Variants in CEP85L observed in about 807,000 individuals in gnomAD.
CEP85L encodes the protein centrosomal protein 85L, also known as centrosomal protein of 85 kDa-like.
In CEP85L, 60 loss-of-function variants were observed where a neutral mutation model predicts 100.3. The ratio of observed to expected loss-of-function variants is 0.60; its 90% CI spans 0.49 to 0.74. The LOEUF is 0.74. CEP85L is among the 30% of genes least tolerant of loss of function. CEP85L has a pLI of 0.00. For missense variants in CEP85L, 973 were observed against 936.2 expected (o/e 1.04, Z -0.51); for synonymous variants, 319 against 322.7 (o/e 0.99, Z 0.12).
At chr6:118,545,356 G>A (rs568017251) in intron 3 of CEP85L, among the ~76,000 whole-genome samples, 3 of 152,312 alleles carry the variant, frequency 2.0e-5, no homozygotes, top group Admixed American at 6.5e-5. Flanking sequence ...TTGGGAGGCC[G>A]AGGTGGGCAG....
chr6:118,530,807 A>C (rs561985885), intron 3 of CEP85L, among the ~76,000 whole-genome samples: 3 of 152,224 alleles, frequency 2.0e-5, no homozygotes, highest in African/African-American at 7.2e-5. Context: ...AGGGAAGTAA[A>C]AGAGCTCTAC....
At chr6:118,634,015 C>T (rs1774335882) in intron 1 of CEP85L, among the ~76,000 whole-genome samples, 2 of 152,184 alleles carry the variant, frequency 1.3e-5, no homozygotes, top group South Asian at 4.1e-4. Flanking sequence ...GTATAGCAGC[C>T]TTAAAAAGAT....
intron 1 of CEP85L, among the ~76,000 whole-genome samples, chr6:118,686,100 C>T (rs1230262517): frequency 1.3e-5 from 2 of 151,934 alleles, no homozygotes. Flanking sequence ...CCAAGGGAAA[C>T]GTGGGTTGGA....
upstream of CEP85L, among the ~76,000 whole-genome samples, chr6:118,655,063 A>G (rs946996577): frequency 2.6e-5 from 4 of 152,228 alleles, no homozygotes; most frequent in African/African-American, 9.6e-5. Flanking sequence ...TAACAAATAT[A>G]TACCAAATTT....
At chr6:118,694,768 C>T (rs1777153169) in intron 1 of CEP85L, among the ~76,000 whole-genome samples, 1 of 152,140 alleles carries the variant, frequency 6.6e-6, no homozygotes, top group African/African-American at 2.4e-5. Context: ...AAAGTGGGGG[C>T]AGATACTACA....
At chr6:118,600,370 T>TGTGTGTGTGTGTGTGTGTGTGTG (rs58066356) in intron 2 of CEP85L, among the ~76,000 whole-genome samples, 3 of 86,368 alleles carry the variant, frequency 3.5e-5, no homozygotes, top group Non-Finnish European at 7.7e-5. Context: ...TGTGTGTGTG[T>TGTGTGTGTGTGTGTGTGTGTGTG]AACGCCATGG....
intron 2 of CEP85L, among the ~76,000 whole-genome samples, chr6:118,577,395 A>G (rs903494692): frequency 1.3e-5 from 2 of 152,220 alleles, no homozygotes; most frequent in Non-Finnish European, 2.9e-5. Context: ...TCGTGAAAAA[A>G]GAAGTACCCC....
chr6:118,556,265 C>T (rs1778870207), intron 3 of CEP85L, among the ~76,000 whole-genome samples: 1 of 152,096 alleles, frequency 6.6e-6, no homozygotes, highest in Non-Finnish European at 1.5e-5. Context: ...CCTTTAGCCA[C>T]CTGTTTAGAC....
chr6:118,640,224 T>C (rs747711102), intron 1 of CEP85L, among the ~76,000 whole-genome samples: 4 of 152,096 alleles, frequency 2.6e-5, no homozygotes, highest in African/African-American at 7.2e-5. Flanking sequence ...AAACATCACA[T>C]AGTGTTATTT....
intron 12 of CEP85L, 108 bp downstream of exon 12, chr6:118,468,964 G>C (rs1772734287): frequency 2.8e-6 from 2 of 721,246 alleles, no homozygotes; most frequent in Non-Finnish European, 2.3e-6. Flanking sequence ...ATTCTAAGTA[G>C]GAAAAGAGAT....
chr6:118,664,368 G>C (rs1363623814), intron 1 of CEP85L: 1 of 152,314 alleles, frequency 6.6e-6, no homozygotes, highest in African/African-American at 2.4e-5. Context: ...GAATTCACGG[G>C]AGAAAATGAG....
intron 2 of CEP85L, among the ~76,000 whole-genome samples, chr6:118,571,963 TCTC>T (rs1288088101): frequency 3.9e-5 from 6 of 152,050 alleles, no homozygotes; most frequent in Non-Finnish European, 8.8e-5. Flanking sequence ...TTCAAGCGAT[TCTC>T]CTGCCTCAGC....
Position 118,672,774 on chromosome 6 carries a change from AAAGAAGAAAG to A in CEP85L, c.-27-19976_-27-19967del, listed in dbSNP as rs1357406603. ...AAGTGAGATCCTGTCTCAGAAGAAG[AAAGAAGAAAG>A]AAGAAGGAGGAGGAAGGAGGAGGAA... is the stretch of plus-strand genomic sequence containing the variant. On this transcript the variant is annotated intron_variant, in intron 1 of 13. Transcript: ENST00000368488. 1.3e-4 allele frequency among the ~76,000 whole-genome samples: 18 copies of A among 137,526 alleles called. No individual in the cohort carries two copies. The East Asian group carries it at 3.6e-3, about 27-fold the overall frequency. The allele number at this position is 137,526 out of a possible 152,430, so 90.2% of individuals were successfully genotyped here.
chr6:118,511,518 A>G (rs1378291953), intron 4 of CEP85L, 103 bp from the exon 5 acceptor site: 1 of 668,040 alleles, frequency 1.5e-6, no homozygotes, highest in Non-Finnish European at 2.5e-6. Context: ...TATTCCTCTT[A>G]GATTCTAACA....
intron 1 of CEP85L, among the ~76,000 whole-genome samples, chr6:118,684,440 T>A (rs1337095153): frequency 6.6e-6 from 1 of 151,520 alleles, no homozygotes; most frequent in Non-Finnish European, 1.5e-5. Flanking sequence ...TAACCAGGAG[T>A]TCAAGGTTAC....
At position 118,641,885 on chromosome 6, in the gene CEP85L, T is replaced by C. The variant is rs369766792; in HGVS notation, c.74-9274A>G. ...AGTAATATGTCACCTAGCATTTCTG[T>C]TTGAAAAAATAACCATTGATCCCCA... On this transcript the variant is annotated intron_variant, in intron 1 of 12. Transcript: ENST00000368491. Among the ~76,000 whole-genome samples, 11 of 152,266 alleles carry C rather than the reference T, an allele frequency of 7.2e-5. No individual in the cohort carries two copies. In the East Asian group the frequency reaches 1.5e-3, roughly 21 times the overall value.
intron 2 of CEP85L, among the ~76,000 whole-genome samples, chr6:118,631,936 C>G (rs1429165008): frequency 6.6e-6 from 1 of 152,286 alleles, no homozygotes; most frequent in Non-Finnish European, 1.5e-5. Flanking sequence ...CTATAATTAT[C>G]TCAAAGTAAG....
chr6:118,524,218 T>C (rs1039773668), intron 3 of CEP85L, among the ~76,000 whole-genome samples: 116 of 152,174 alleles, frequency 7.6e-4, no homozygotes, highest in African/African-American at 2.6e-3. Flanking sequence ...CCCAGCACTT[T>C]GGGAGGCCGA....
Position 118,491,844 on chromosome 6 carries a change from G to C in CEP85L, c.1279C>G (p.Leu427Val). ...GATTCCTCTGAAAATGGTGTCTGGAGTGAAGTGTTCTCATATTGTGGCTGT... is the reference window on the plus strand; with the variant it reads ...GATTCCTCTGAAAATGGTGTCTGGACTGAAGTGTTCTCATATTGTGGCTGT... ...SLQPQYENTS[L>V]QTPFSEESVS... is the part of the protein sequence containing the mutation. The change falls in exon 6 of 13, where the codon CTC (leucine) becomes GTC (valine). Residue 427 changes from leucine to valine, a missense_variant. Around this residue, in one of 3 missense-constraint regions of CEP85L, gnomAD observed 890 missense variants for 844.5 expected, o/e 1.05. Transcript: ENST00000368491. 1 of 1,608,632 alleles carries C rather than the reference G, an allele frequency of 6.2e-7. No individual in the cohort carries two copies. The highest frequency in any genetic ancestry group is 8.5e-7 in the Non-Finnish European group (1 of 1,178,308).
Sources: gnomAD v4.1 joint callset for allele counts (sites outside exome capture counted in the v4.1 genomes callset) on GRCh38, gnomAD v4.1.1 for gene constraint, gnomAD v4.1.1 regional missense constraint, MANE v1.5 for transcripts, NCBI Gene and HGNC (gene_info 2026-07-23, HGNC 2026-07-21) for gene names.